ROBO2: variants seen among roughly 807,000 people sequenced by gnomAD.
ROBO2 encodes roundabout guidance receptor 2.
A neutral mutation model predicts 160.8 loss-of-function variants in ROBO2; 53 were observed. The ratio of observed to expected loss-of-function variants is 0.33; its 90% CI spans 0.26 to 0.41. The LOEUF (loss-of-function observed/expected upper bound fraction) is 0.41, where lower values mean the gene tolerates loss of function less well. Ranked by LOEUF, ROBO2 falls within the 10% of genes least tolerant of loss-of-function variation. The pLI, the probability that ROBO2 is intolerant of heterozygous loss-of-function variation, is 1.00. For missense variants in ROBO2, 1,577 were observed against 1,722.4 expected (o/e 0.92, Z 1.49); for synonymous variants, 664 against 611.7 (o/e 1.09, Z -1.26).
intron 2 of ROBO2, among the ~76,000 whole-genome samples, chr3:77,213,226 T>TA (rs1434628595): frequency 6.6e-6 from 1 of 152,216 alleles, no homozygotes; most frequent in African/African-American, 2.4e-5. Flanking sequence ...TTTTGGTTGT[T>TA]AAGCTATTAA....
At chr3:76,089,682 G>A (rs2069150478) in intron 2 of ROBO2, among the ~76,000 whole-genome samples, 1 of 152,074 alleles carries the variant, frequency 6.6e-6, no homozygotes, top group African/African-American at 2.4e-5. Flanking sequence ...TTTTCAAGTT[G>A]ATAAAGCATA....
At chr3:77,194,038 C>A (rs1213121992) in intron 2 of ROBO2, among the ~76,000 whole-genome samples, 1 of 152,094 alleles carries the variant, frequency 6.6e-6, no homozygotes, top group Non-Finnish European at 1.5e-5. Flanking sequence ...CAAATAAAAG[C>A]AAAGTAACAT....
At chr3:77,205,389 A>G (rs2083330352) in intron 2 of ROBO2, among the ~76,000 whole-genome samples, 1 of 150,634 alleles carries the variant, frequency 6.6e-6, no homozygotes, top group Admixed American at 6.6e-5. Context: ...TTGTGTTCAC[A>G]CTCCTTCTCT....
At chr3:76,622,252 A>T (rs2089226543) in intron 2 of ROBO2, among the ~76,000 whole-genome samples, 2 of 61,928 alleles carry the variant, frequency 3.2e-5, no homozygotes, top group African/African-American at 6.9e-5. Flanking sequence ...GAAAGAAAGA[A>T]AGAAAGAAAG....
chr3:76,549,605 C>A (rs1343376338), intron 2 of ROBO2, among the ~76,000 whole-genome samples: 1 of 152,158 alleles, frequency 6.6e-6, no homozygotes, highest in Non-Finnish European at 1.5e-5. Context: ...CATCAATATA[C>A]CCTTTCCGAT....
chr3:76,751,027 G>T (rs374906152), intron 2 of ROBO2, among the ~76,000 whole-genome samples: 2 of 151,862 alleles, frequency 1.3e-5, no homozygotes, highest in Non-Finnish European at 2.9e-5. Context: ...GAGGCATCAC[G>T]CTACCTGACT....
At chr3:76,308,569 A>G (rs541467279) in intron 2 of ROBO2, among the ~76,000 whole-genome samples, 39 of 152,268 alleles carry the variant, frequency 2.6e-4, no homozygotes, top group Admixed American at 3.3e-4. Flanking sequence ...TCACAGATAC[A>G]TGTCTCATTG....
intron 2 of ROBO2, among the ~76,000 whole-genome samples, chr3:75,968,544 A>G (rs2064881227): frequency 2.0e-5 from 3 of 151,646 alleles, no homozygotes; most frequent in Non-Finnish European, 4.4e-5. Flanking sequence ...AATCAAGCCA[A>G]TTAACATATC....
At chr3:76,019,388 TA>T (rs2066502391) in intron 2 of ROBO2, among the ~76,000 whole-genome samples, 2 of 151,624 alleles carry the variant, frequency 1.3e-5, no homozygotes, top group Non-Finnish European at 2.9e-5. Context: ...TATCTGAGAA[TA>T]CTGTGTACTC....
intron 2 of ROBO2, among the ~76,000 whole-genome samples, chr3:76,996,848 A>T (rs537644705): frequency 8.5e-5 from 13 of 152,152 alleles, no homozygotes; most frequent in Non-Finnish European, 1.5e-4. Context: ...GTCTGATGTT[A>T]CTGCATGATT....
At chr3:76,790,363 A>G (rs1457612013) in intron 2 of ROBO2, among the ~76,000 whole-genome samples, 1 of 151,722 alleles carries the variant, frequency 6.6e-6, no homozygotes, top group African/African-American at 2.4e-5. Context: ...GTACGTTTTC[A>G]GAAGCCTTAA....
chr3:76,824,062 C>T (rs897059291), intron 2 of ROBO2, among the ~76,000 whole-genome samples: 2 of 152,134 alleles, frequency 1.3e-5, no homozygotes, highest in African/African-American at 4.8e-5. Context: ...GTTGTGCCAC[C>T]ACCCTTTAGG....
At chr3:77,061,628 T>C (rs2149770996) in intron 1 of ROBO2, among the ~76,000 whole-genome samples, 1 of 152,228 alleles carries the variant, frequency 6.6e-6, no homozygotes, top group South Asian at 2.1e-4. Flanking sequence ...TTTCAGAAGA[T>C]TGTTTTTAGT....
At chr3:77,299,173 G>T (rs2062428783) in intron 2 of ROBO2, among the ~76,000 whole-genome samples, 1 of 152,158 alleles carries the variant, frequency 6.6e-6, no homozygotes, top group Non-Finnish European at 1.5e-5. Context: ...TAAAATATAA[G>T]TTGAGATGGC....
chr3:76,643,621 A>G (rs1328121949), intron 2 of ROBO2, among the ~76,000 whole-genome samples: 1 of 151,890 alleles, frequency 6.6e-6, no homozygotes, highest in Non-Finnish European at 1.5e-5. Flanking sequence ...TGTTTGTGTT[A>G]TTATTTTGTG....
At chr3:76,646,533 A>G (rs2090977669) in intron 2 of ROBO2, among the ~76,000 whole-genome samples, 1 of 152,214 alleles carries the variant, frequency 6.6e-6, no homozygotes, top group African/African-American at 2.4e-5. Flanking sequence ...TGAAATGTGA[A>G]TAATAAATAT....
chr3:76,173,421 A>G (rs1276064847), intron 2 of ROBO2, among the ~76,000 whole-genome samples: 1 of 152,002 alleles, frequency 6.6e-6, no homozygotes, highest in East Asian at 1.9e-4. Context: ...TACATGTGCC[A>G]TGGTGGTTTG....
chr3:76,663,595 T>C (rs1473836099), intron 2 of ROBO2, among the ~76,000 whole-genome samples: 1 of 151,964 alleles, frequency 6.6e-6, no homozygotes, highest in Non-Finnish European at 1.5e-5. Context: ...GCCGAATAAA[T>C]AAAGATAGGA....
At chr3:76,090,718 G>A (rs184821277) in intron 2 of ROBO2, among the ~76,000 whole-genome samples, 3 of 152,244 alleles carry the variant, frequency 2.0e-5, no homozygotes, top group Non-Finnish European at 4.4e-5. Context: ...AATCAAAACA[G>A]TGTCGTGTTG....
Sources: allele counts gnomAD v4.1 joint callset (sites outside exome capture counted in the v4.1 genomes callset), GRCh38; gene constraint gnomAD v4.1.1; transcripts MANE v1.5; gene names NCBI Gene and HGNC (gene_info 2026-07-23, HGNC 2026-07-21).